Variants in NEGR1 observed in about 807,000 individuals in gnomAD.
NEGR1 encodes the protein neuronal growth regulator 1, also known as IgLON family member 4.
A neutral mutation model predicts 40.9 loss-of-function variants in NEGR1; 10 were observed. The ratio of observed to expected loss-of-function variants is 0.24; its 90% CI spans 0.15 to 0.42. NEGR1 has a LOEUF of 0.42. NEGR1 is among the 10% of genes least tolerant of loss of function. The pLI is 1.00. For synonymous variants in NEGR1, 185 were observed against 166.8 expected (o/e 1.11, Z -0.84); for missense variants, 352 against 438.9 (o/e 0.80, Z 1.77).
At chr1:72,128,202 A>G (rs982358931) in intron 1 of NEGR1, among the ~76,000 whole-genome samples, 2 of 152,198 alleles carry the variant, frequency 1.3e-5, no homozygotes, top group African/African-American at 4.8e-5. Context: ...GGAGTGTAAA[A>G]ATATAAAAAA....
intron 1 of NEGR1, among the ~76,000 whole-genome samples, chr1:72,223,212 T>C (rs1378636221): frequency 1.3e-5 from 2 of 152,148 alleles, no homozygotes; most frequent in African/African-American, 4.8e-5. Flanking sequence ...TTTTACCAGT[T>C]CCACATTTAT....
At chr1:71,883,487 C>G (rs1660636129) in intron 2 of NEGR1, among the ~76,000 whole-genome samples, 1 of 151,904 alleles carries the variant, frequency 6.6e-6, no homozygotes. Flanking sequence ...AAAATTCGAC[C>G]ATTTGAGAAG....
intron 1 of NEGR1, among the ~76,000 whole-genome samples, chr1:72,095,975 C>G (rs1557524277): frequency 6.6e-6 from 1 of 151,768 alleles, no homozygotes; most frequent in Non-Finnish European, 1.5e-5. Flanking sequence ...TAAATATTTC[C>G]TTTTTTTTAA....
chr1:72,067,186 T>A (rs963110172), intron 1 of NEGR1, among the ~76,000 whole-genome samples: 1 of 152,148 alleles, frequency 6.6e-6, no homozygotes, highest in East Asian at 1.9e-4. Context: ...ATATACCTTT[T>A]AATTTTAAGA....
intron 1 of NEGR1, among the ~76,000 whole-genome samples, chr1:72,121,435 T>G (rs748674700): frequency 2.0e-5 from 3 of 151,956 alleles, no homozygotes; most frequent in Non-Finnish European, 4.4e-5. Flanking sequence ...CTTTTCTATC[T>G]ATGAGAAGAT....
chr1:72,242,937 C>T (rs1454231506), intron 1 of NEGR1, among the ~76,000 whole-genome samples: 1 of 151,546 alleles, frequency 6.6e-6, no homozygotes, highest in Non-Finnish European at 1.5e-5. Flanking sequence ...ATTTGGAAAT[C>T]ATGTAATATG....
intron 4 of NEGR1, among the ~76,000 whole-genome samples, chr1:71,667,345 T>C (rs1471914723): frequency 6.6e-6 from 1 of 152,194 alleles, no homozygotes; most frequent in Non-Finnish European, 1.5e-5. Flanking sequence ...TAAGCTCTTC[T>C]GTGCAATTAT....
intron 1 of NEGR1, among the ~76,000 whole-genome samples, chr1:72,087,926 C>T (rs546660066): frequency 6.6e-6 from 1 of 152,038 alleles, no homozygotes; most frequent in East Asian, 1.9e-4. Flanking sequence ...AAGAAATGCC[C>T]TTTATGGCAG....
intron 1 of NEGR1, among the ~76,000 whole-genome samples, chr1:71,990,916 A>AT (rs1466196030): frequency 0.027 from 3,257 of 119,078 alleles, 104 homozygotes; most frequent in African/African-American, 0.09. Flanking sequence ...ATATATATAT[A>AT]TATTTTTTTT....
chr1:71,869,864 G>A (rs1404857363), intron 2 of NEGR1, among the ~76,000 whole-genome samples: 1 of 150,862 alleles, frequency 6.6e-6, no homozygotes, highest in Non-Finnish European at 1.5e-5. Context: ...AAACATGTTT[G>A]GATAGCTTTT....
intron 2 of NEGR1, among the ~76,000 whole-genome samples, chr1:71,819,995 G>T (rs1488127549): frequency 6.6e-6 from 1 of 152,012 alleles, no homozygotes; most frequent in Non-Finnish European, 1.5e-5. Context: ...TACAGATTGT[G>T]TCCCACTGAT....
chr1:71,526,751 T>G (rs1647221229), intron 6 of NEGR1, among the ~76,000 whole-genome samples: 2 of 151,580 alleles, frequency 1.3e-5, no homozygotes, highest in Non-Finnish European at 3.0e-5. Context: ...TTCACGTTAA[T>G]TAGACCTTGA....
intron 3 of NEGR1, among the ~76,000 whole-genome samples, chr1:71,775,626 G>A (rs1275830032): frequency 1.3e-5 from 2 of 151,930 alleles, no homozygotes; most frequent in Admixed American, 1.3e-4. Flanking sequence ...GATTACAGGC[G>A]TGAGCCACTG....
intron 4 of NEGR1, among the ~76,000 whole-genome samples, chr1:71,650,960 C>T (rs550946723): frequency 6.6e-6 from 1 of 152,142 alleles, no homozygotes; most frequent in South Asian, 2.1e-4. Context: ...TACCATATAC[C>T]TAACTCAGTC....
At position 71,406,842 on chromosome 1, in the gene NEGR1, T is replaced by A. The variant is rs1431961886; in HGVS notation, c.*604A>T. ...ATATTATTGTATGAAGGCACACCCA[T>A]GCTGAACTTACAGGAAAGAGAAGCA... On this transcript the variant is annotated 3_prime_UTR_variant, in exon 7 of 7. Transcript: ENST00000357731. 7.9e-5 allele frequency: 12 copies of A among 152,472 alleles called. No homozygotes were observed. Among genetic ancestry groups the A allele is most frequent in the Admixed American group, 7.9e-4 (12 of 15,250 alleles). The allele number at this position is 152,472 out of a possible 1,614,324, so 9.4% of individuals were successfully genotyped here. A position where few individuals can be genotyped will look rare whatever the true frequency, so the allele number is the denominator to read the frequency against.
intron 6 of NEGR1, among the ~76,000 whole-genome samples, chr1:71,578,334 T>A (rs1649026316): frequency 6.6e-6 from 1 of 152,174 alleles, no homozygotes; most frequent in South Asian, 2.1e-4. Context: ...TTTAGAGAAC[T>A]TAATTCTTCA....
At chr1:71,801,664 G>C (rs1448996963) in intron 2 of NEGR1, among the ~76,000 whole-genome samples, 3 of 151,988 alleles carry the variant, frequency 2.0e-5, no homozygotes, top group South Asian at 2.1e-4. Flanking sequence ...TCTAACTTTA[G>C]AGCCTCCTAA....
intron 4 of NEGR1, among the ~76,000 whole-genome samples, chr1:71,625,568 T>C (rs549665282): frequency 6.6e-6 from 1 of 151,818 alleles, no homozygotes; most frequent in East Asian, 1.9e-4. Flanking sequence ...CTAGAGCATA[T>C]ACAGATTTTT....
chr1:72,022,260 C>CATAT (rs59160727), intron 1 of NEGR1, among the ~76,000 whole-genome samples: 1,570 of 111,278 alleles, frequency 0.014, 18 homozygotes, highest in Non-Finnish European at 0.02. Flanking sequence ...AAACAATTTT[C>CATAT]ATATATATAT....
Sources: gnomAD v4.1 joint callset for allele counts (sites outside exome capture counted in the v4.1 genomes callset) on GRCh38, gnomAD v4.1.1 for gene constraint, MANE v1.5 for transcripts, NCBI Gene and HGNC (gene_info 2026-07-23, HGNC 2026-07-21) for gene names.